Variants in CTNNA2 observed in about 807,000 individuals in gnomAD.
The protein encoded by CTNNA2 is catenin alpha 2, also known as catenin alpha-2.
In CTNNA2, 42 loss-of-function variants were observed where a neutral mutation model predicts 101.0. That is an observed-to-expected ratio of 0.42 (90% CI 0.32 to 0.54). CTNNA2 has a LOEUF of 0.54. Ranked by LOEUF, CTNNA2 falls within the 20% of genes least tolerant of loss-of-function variation. The probability of loss-of-function intolerance (pLI) is 0.14; values close to 1 mark genes in which losing one functional copy is unlikely to be tolerated. For synonymous variants in CTNNA2, 450 were observed against 456.4 expected (o/e 0.99, Z 0.18); for missense variants, 871 against 1,223.1 (o/e 0.71, Z 4.29).
intron 7 of CTNNA2, among the ~76,000 whole-genome samples, chr2:80,363,814 A>G (rs1674650211): frequency 6.6e-6 from 1 of 152,210 alleles, no homozygotes; most frequent in South Asian, 2.1e-4. Flanking sequence ...GAGACCAGTG[A>G]TTAACCCAAT....
chr2:80,056,440 G>T (rs1354812101), intron 7 of CTNNA2, among the ~76,000 whole-genome samples: 1 of 152,164 alleles, frequency 6.6e-6, no homozygotes, highest in South Asian at 2.1e-4. Context: ...GGTGCTACTG[G>T]CAGTCTTTGC....
chr2:80,379,357 T>G (rs889517745), intron 7 of CTNNA2, among the ~76,000 whole-genome samples: 2 of 152,204 alleles, frequency 1.3e-5, no homozygotes, highest in Admixed American at 1.3e-4. Flanking sequence ...GAAGCTGGTA[T>G]AGCTTTTTCT....
chr2:79,622,475 G>T (rs1009629684), intron 1 of CTNNA2, among the ~76,000 whole-genome samples: 3 of 152,114 alleles, frequency 2.0e-5, no homozygotes, highest in Non-Finnish European at 2.9e-5. Flanking sequence ...TGAAAATATG[G>T]TTGTTTGATA....
chr2:79,819,113 G>A (rs1677807650), intron 3 of CTNNA2, among the ~76,000 whole-genome samples: 1 of 151,452 alleles, frequency 6.6e-6, no homozygotes, highest in Admixed American at 6.6e-5. Flanking sequence ...CTGAGTAGCT[G>A]GGATTACAGG....
chr2:79,800,257 G>A (rs557444240), intron 3 of CTNNA2, among the ~76,000 whole-genome samples: 5 of 145,786 alleles, frequency 3.4e-5, no homozygotes, highest in Non-Finnish European at 5.9e-5. Context: ...TGGGAAGCTC[G>A]CATGTTATAT....
At chr2:79,826,686 A>G (rs554266001) in intron 3 of CTNNA2, among the ~76,000 whole-genome samples, 5 of 152,354 alleles carry the variant, frequency 3.3e-5, no homozygotes, top group Admixed American at 2.0e-4. Flanking sequence ...TATTAGATAA[A>G]TGCCAATTTC....
chr2:80,110,651 T>G (rs1701160717), intron 7 of CTNNA2, among the ~76,000 whole-genome samples: 1 of 152,176 alleles, frequency 6.6e-6, no homozygotes, highest in Non-Finnish European at 1.5e-5. Flanking sequence ...GTGGACCATG[T>G]GGACCCATAG....
At chr2:79,786,237 T>G (rs977190030) in intron 3 of CTNNA2, among the ~76,000 whole-genome samples, 4 of 151,202 alleles carry the variant, frequency 2.6e-5, no homozygotes, top group African/African-American at 9.7e-5. Context: ...GTAGACATGG[T>G]TTTTTTTTAT....
chr2:80,604,107 C>A lies in CTNNA2; in HGVS notation c.2223C>A (p.Val741=), dbSNP rs1311620036. 8 of 1,612,932 alleles carry A rather than the reference C, an allele frequency of 5.0e-6. No homozygotes were observed. The highest frequency in any genetic ancestry group is 1.1e-5 in the South Asian group (1 of 91,056). ...GKGPLKNTSD[V]INAAKKIAEA... is the part of the protein sequence containing the mutation. Reference sequence around the variant, plus strand: ...GCCCATTGAAAAATACATCTGATGTCATTAATGCTGCCAAGAAAATTGCCG... The same window carrying A: ...GCCCATTGAAAAATACATCTGATGTAATTAATGCTGCCAAGAAAATTGCCG... Residue 741 remains valine, a synonymous_variant, in exon 16 of 19, where the codon GTC becomes GTA. Coordinates refer to ENST00000402739, the MANE Select transcript of CTNNA2 (RefSeq NM_001282597.3).
intron 11 of CTNNA2, among the ~76,000 whole-genome samples, chr2:80,547,640 C>T (rs1692190188): frequency 6.6e-6 from 1 of 150,694 alleles, no homozygotes; most frequent in Non-Finnish European, 1.5e-5. Context: ...TTAAATATCA[C>T]CATATCTAGA....
At chr2:80,180,167 G>T (rs1705684686) in intron 7 of CTNNA2, among the ~76,000 whole-genome samples, 1 of 152,164 alleles carries the variant, frequency 6.6e-6, no homozygotes, top group Non-Finnish European at 1.5e-5. Flanking sequence ...ATGGGAGAAA[G>T]ATTAACAGCA....
intron 7 of CTNNA2, among the ~76,000 whole-genome samples, chr2:80,166,567 C>T (rs1275261238): frequency 6.6e-6 from 1 of 152,192 alleles, no homozygotes; most frequent in Non-Finnish European, 1.5e-5. Context: ...TTGGCTGTTT[C>T]TGAGTTGTAT....
intron 9 of CTNNA2, among the ~76,000 whole-genome samples, chr2:80,439,448 G>A (rs1682355336): frequency 1.3e-5 from 2 of 152,128 alleles, no homozygotes; most frequent in South Asian, 4.1e-4. Context: ...CTGCAGGCTG[G>A]AGTGCAGTGG....
intron 4 of CTNNA2, among the ~76,000 whole-genome samples, chr2:79,473,406 T>C (rs372516): frequency 0.64 from 97,795 of 151,910 alleles, 31,674 homozygotes; most frequent in Middle Eastern, 0.74. Flanking sequence ...TCAATCTCTC[T>C]GTCTCTCTCC....
At chr2:80,021,138 G>A (rs185500451) in intron 7 of CTNNA2, among the ~76,000 whole-genome samples, 162 of 151,006 alleles carry the variant, frequency 1.1e-3, no homozygotes, top group African/African-American at 3.8e-3. Context: ...TCCCACCTCA[G>A]CCTCCTGAGC....
intron 1 of CTNNA2, among the ~76,000 whole-genome samples, chr2:79,586,636 C>G (rs1676509649): frequency 6.6e-6 from 1 of 151,948 alleles, no homozygotes; most frequent in African/African-American, 2.4e-5. Context: ...TCAGCTTCCT[C>G]TCTGTTGGAA....
chr2:79,227,773 T>C (rs1572989035), intron 2 of CTNNA2, among the ~76,000 whole-genome samples: 1 of 152,182 alleles, frequency 6.6e-6, no homozygotes, highest in Non-Finnish European at 1.5e-5. Context: ...TCAACTTTTA[T>C]TATAGATTAA....
At position 79,814,169 on chromosome 2, in the gene CTNNA2, A is replaced by G. The variant is rs141178542; in HGVS notation, c.299-43844A>G. Among the ~76,000 whole-genome samples the G allele has an allele frequency of 1.8e-3, 279 of 152,268 alleles. 2 individuals carry two copies. The highest frequency in any genetic ancestry group is 2.8e-3 in the Non-Finnish European group (191 of 68,018). ...GAGTGCTCCCCCAACTTTTATATAT[A>G]TGATTTCATCGTGAGGTCCGACAAA... is the stretch of plus-strand genomic sequence containing the variant. On this transcript the variant is annotated intron_variant, in intron 3 of 18. Transcript: ENST00000402739.
intron 1 of CTNNA2, among the ~76,000 whole-genome samples, chr2:79,196,470 T>G (rs920386177): frequency 6.6e-6 from 1 of 152,236 alleles, no homozygotes; most frequent in Non-Finnish European, 1.5e-5. Flanking sequence ...CAGTTACAAC[T>G]TCTGCCTAGT....
Sources: allele counts gnomAD v4.1 joint callset (sites outside exome capture counted in the v4.1 genomes callset), GRCh38; gene constraint gnomAD v4.1.1; transcripts MANE v1.5; gene names NCBI Gene and HGNC (gene_info 2026-07-23, HGNC 2026-07-21).